Variants in RIPPLY3 observed in about 807,000 individuals in gnomAD.
The protein encoded by RIPPLY3 is ripply transcriptional repressor 3, also known as protein ripply3.
Under a neutral mutation model 11.9 loss-of-function variants are expected in RIPPLY3, and 8 were observed. The observed-to-expected ratio is 0.67, with a 90% CI of 0.40 to 1.21. The LOEUF is 1.21. RIPPLY3 is among the 50% of genes most tolerant of loss of function. RIPPLY3 has a pLI of 0.01. For synonymous variants in RIPPLY3, 102 were observed against 99.0 expected (o/e 1.03, Z -0.18); for missense variants, 271 against 246.0 (o/e 1.10, Z -0.68).
chr21:37,018,029 C>A lies in RIPPLY3; in HGVS notation c.395C>A (p.Pro132His), dbSNP rs138030974. 5 of 1,614,068 alleles carry A rather than the reference C, an allele frequency of 3.1e-6. No individual in the cohort carries two copies. The highest frequency in any genetic ancestry group is 4.2e-6 in the Non-Finnish European group (5 of 1,180,014). The change falls in exon 4 of 4, where the codon CCC becomes CAC. Residue 132 changes from proline to histidine, a missense_variant. Coordinates refer to ENST00000329553, the MANE Select transcript of RIPPLY3 (RefSeq NM_018962.3). Reference protein sequence around the residue: ...EAEEPEEGPPPLHLLPQEVGG... With the variant: ...EAEEPEEGPPHLHLLPQEVGG... ...GAAGAGCCAGAGGAAGGACCCCCACCCCTCCATCTTCTGCCCCAGGAGGTG... is the reference window on the plus strand; with the variant it reads ...GAAGAGCCAGAGGAAGGACCCCCACACCTCCATCTTCTGCCCCAGGAGGTG...
intron 3 of RIPPLY3, among the ~76,000 whole-genome samples, chr21:37,015,283 C>T (rs1447771377): frequency 6.6e-6 from 1 of 152,162 alleles, no homozygotes; most frequent in Non-Finnish European, 1.5e-5. Context: ...CCTGCCTCAG[C>T]CTCCCAAGTA....
chr21:37,008,222 C>T lies in RIPPLY3; in HGVS notation c.170C>T (p.Pro57Leu). 2 of 1,614,018 alleles carry T rather than the reference C, an allele frequency of 1.2e-6. No homozygotes were observed. The highest frequency in any genetic ancestry group is 2.2e-5 in the East Asian group (1 of 44,866). ...GDAELTRTGR[P>L]LEPRADQHTF... is the part of the protein sequence containing the mutation. The stretch of plus-strand genomic sequence containing the variant: ...GCTGAGCTGACCAGAACTGGAAGGC[C>T]GGTAAGGTTCAGTGCGGGCGTTGTA... The change falls in exon 2 of 4, where the codon CCG (proline) becomes CTG (leucine). Residue 57 changes from proline (P) to leucine (L), a missense_variant and splice_region_variant. Pro to Leu is a moderately conservative substitution (Grantham distance 98). Transcript: ENST00000329553.
At position 37,017,152 on chromosome 21, in the gene RIPPLY3, CAA is replaced by C. The variant is rs552999886; in HGVS notation, c.240-705_240-704del. Reference sequence around the variant, plus strand: ...TGGGTGAGAGAGTAAGACTCCCTTTCAAAAAAAAAAAAAAAAAAGATTACAGG... The same window carrying C: ...TGGGTGAGAGAGTAAGACTCCCTTTCAAAAAAAAAAAAAAAAGATTACAGG... On this transcript the variant is annotated intron_variant, in intron 3 of 3. Transcript: ENST00000329553. 5.2e-4 allele frequency among the ~76,000 whole-genome samples: 56 copies of C among 106,836 alleles called. 1 individual carries two copies. The highest frequency in any genetic ancestry group is 5.5e-4 in the Non-Finnish European group (29 of 53,050). 70.1% of individuals were successfully genotyped at this position (106,836 alleles called of 152,430 possible). A position where few individuals can be genotyped will look rare whatever the true frequency, so the allele number is the denominator to read the frequency against.
At chr21:37,012,231 T>TTAG (rs2069531856) in intron 2 of RIPPLY3, among the ~76,000 whole-genome samples, 1 of 147,710 alleles carries the variant, frequency 6.8e-6, no homozygotes, top group South Asian at 2.1e-4. Flanking sequence ...ATTATTATTA[T>TTAG]TATTATTATT....
chr21:37,011,929 CAAAAAAAAAAAAA>C (rs59382996), intron 2 of RIPPLY3, among the ~76,000 whole-genome samples: 20 of 47,104 alleles, frequency 4.2e-4, no homozygotes, highest in Middle Eastern at 0.019. Context: ...GACTCCGTCT[CAAAAAAAAAAAAA>C]AAAAAAAAAA....
chr21:37,013,196 A>G (rs1361912639), intron 2 of RIPPLY3, among the ~76,000 whole-genome samples: 4 of 152,174 alleles, frequency 2.6e-5, no homozygotes, highest in Non-Finnish European at 4.4e-5. Flanking sequence ...GAGGCCCTTC[A>G]TGAACCCGTT....
chr21:37,008,776 A>C (rs998187279), intron 2 of RIPPLY3, among the ~76,000 whole-genome samples: 1 of 151,824 alleles, frequency 6.6e-6, no homozygotes, highest in Non-Finnish European at 1.5e-5. Context: ...AAAAAAAAAA[A>C]AAAACCGTAG....
chr21:37,006,835 G>A lies in RIPPLY3; in HGVS notation c.63G>A (p.Gly21=). ...KARGRGCHCP[G]DAPWRPPPPR... The stretch of plus-strand genomic sequence containing the variant: ...GGGGGCGCGGCTGTCACTGCCCCGG[G>A]GACGCTCCCTGGAGGCCTCCGCCAC... Residue 21 remains glycine, a synonymous_variant, in exon 1 of 4, where the codon GGG becomes GGA. Transcript: ENST00000329553. The surrounding 1 kb of genome is among the most constrained non-coding windows in gnomAD (Gnocchi z 5.2). The A allele has an allele frequency of 3.3e-6, 4 of 1,226,960 alleles. No individual in the cohort carries two copies. The highest frequency in any genetic ancestry group is 1.0e-6 in the Non-Finnish European group (1 of 984,902). 76.0% of individuals were successfully genotyped at this position (1,226,960 alleles called of 1,614,324 possible). A position where few individuals can be genotyped will look rare whatever the true frequency, so the allele number is the denominator to read the frequency against.
rs1191546620 is a variant in RIPPLY3, at chr21:37,008,173, C to A, written c.121C>A (p.Pro41Thr). 10 of 1,614,166 alleles carry A rather than the reference C, an allele frequency of 6.2e-6. No individual in the cohort carries two copies. The highest frequency in any genetic ancestry group is 8.5e-6 in the Non-Finnish European group (10 of 1,180,006). ...CCGTTCCAGCCCCGCGCCGTGGCGA[C>A]CTTGGATCCAGACACCTGGAGATGC... ...RGPESPAPWR[P>T]WIQTPGDAEL... Residue 41 changes from proline to threonine, a missense_variant, in exon 2 of 4, where the codon CCT becomes ACT. Transcript: ENST00000329553.
intron 1 of RIPPLY3, among the ~76,000 whole-genome samples, chr21:37,007,286 G>T (rs180889951): frequency 1.6e-3 from 247 of 152,198 alleles, no homozygotes; most frequent in African/African-American, 5.6e-3. Flanking sequence ...CTGTCCCTGG[G>T]CACCAACCCT....
At chr21:37,006,636 C>T, upstream of RIPPLY3, 1 of 450,296 alleles carries the variant, frequency 2.2e-6, no homozygotes, top group Non-Finnish European at 3.5e-6. This position sits in a 1 kb window ranked among gnomAD's most constrained non-coding sequence, Gnocchi z 5.2. Flanking sequence ...GGTCCTGCCC[C>T]CTCCCAGCGC....
chr21:37,018,366 T>A lies in RIPPLY3; in HGVS notation c.*159T>A. On this transcript the variant is annotated 3_prime_UTR_variant, in exon 4 of 4. Transcript: ENST00000329553. ...ACACTACTCATGACAGAAAGTCAGC[T>A]TTTACTTTTCTTTCCCCTGGCAATT... The A allele has an allele frequency of 1.6e-6, 1 of 619,546 alleles. No individual in the cohort carries two copies. The highest frequency in any genetic ancestry group is 2.8e-6 in the Non-Finnish European group (1 of 355,618). The allele number at this position is 619,546 out of a possible 1,614,324, so 38.4% of individuals were successfully genotyped here. A position where few individuals can be genotyped will look rare whatever the true frequency, so the allele number is the denominator to read the frequency against.
rs2069601177 is a variant in RIPPLY3 at position 37,018,186 on chromosome 21, C to T, written c.552C>T (p.Gly184=). The T allele has an allele frequency of 6.2e-7, 1 of 1,613,342 alleles. No homozygotes were observed. Among genetic ancestry groups the T allele is most frequent in the Non-Finnish European group, 8.5e-7 (1 of 1,179,454 alleles). ...PLPQGVSSRG[G]KCSSSK ...CTCAAGGTGTCTCCTCAAGGGGTGG[C>T]AAGTGCTCCTCATCCAAATGAATCA... is the stretch of plus-strand genomic sequence containing the variant. The change falls in exon 4 of 4, where the codon GGC becomes GGT. Residue 184 remains glycine (G), a synonymous_variant. Transcript: ENST00000329553.
chr21:37,017,891 C>A lies in RIPPLY3; in HGVS notation c.257C>A (p.Ser86Ter). 1 of 1,612,498 alleles carries A rather than the reference C, an allele frequency of 6.2e-7. No homozygotes were observed. Among genetic ancestry groups the A allele is most frequent in the South Asian group, 1.1e-5 (1 of 90,814 alleles). The change falls in exon 4 of 4, where the codon TCA becomes TAA. Residue 86 changes from serine to a stop codon, truncating the protein, a stop_gained. Coordinates refer to ENST00000329553, the MANE Select transcript of RIPPLY3 (RefSeq NM_018962.3). LOFTEE classifies it low-confidence loss of function (END_TRUNC). Reference sequence around the variant, plus strand: ...AATATTAGAGTCTATTTACCCATGTCAAAGCGTCAAGAATACCTGCGGAGT... The same window carrying A: ...AATATTAGAGTCTATTTACCCATGTAAAAGCGTCAAGAATACCTGCGGAGT... ...QHPVRVYLPM[S>*]KRQEYLRSSG...
chr21:37,016,765 A>C (rs57861953), intron 3 of RIPPLY3, among the ~76,000 whole-genome samples: 9,072 of 152,248 alleles, frequency 0.06, 451 homozygotes, highest in African/African-American at 0.13. Flanking sequence ...CAGGATTTCA[A>C]GGCTGCAGTA....
At chr21:37,017,048 G>A (rs1207540563) in intron 3 of RIPPLY3, among the ~76,000 whole-genome samples, 1 of 150,816 alleles carries the variant, frequency 6.6e-6, no homozygotes, top group Non-Finnish European at 1.5e-5. Flanking sequence ...CAGCTATTTG[G>A]GAGGCTGAGA....
At position 37,014,042 on chromosome 21, in the gene RIPPLY3, A is replaced by G. The variant is rs141147014; in HGVS notation, c.239+424A>G. Among the ~76,000 whole-genome samples the G allele has an allele frequency of 1.9e-4, 29 of 152,238 alleles. No homozygotes were observed. In the East Asian group the frequency reaches 5.4e-3, roughly 28 times the overall value. ...CAAAATCTATGTGTTGAGGGTGGAC[A>G]TGGTGGCTCATGCCTGTAATCCCAG... On this transcript the variant is annotated intron_variant, in intron 3 of 3. Transcript: ENST00000329553.
rs1256134664 is a variant in RIPPLY3 at position 37,019,581 on chromosome 21, GACTT to G, written c.*1380_*1383del. ...TAAACGTGTATTCCTGAAACTTTTT[GACTT>G]ACTTATCTTACATGTGGTGTCTTCC... is the stretch of plus-strand genomic sequence containing the variant. On this transcript the variant is annotated 3_prime_UTR_variant, in exon 4 of 4. Coordinates refer to ENST00000329553, the MANE Select transcript of RIPPLY3 (RefSeq NM_018962.3). 1 of 151,830 alleles carries G rather than the reference GACTT, an allele frequency of 6.6e-6. No individual in the cohort carries two copies. The allele number at this position is 151,830 out of a possible 1,614,324, so 9.4% of individuals were successfully genotyped here.
In RIPPLY3 at chr21:37,018,031, C is replaced by T; in HGVS notation, c.397C>T (p.Leu133Phe). Reference sequence around the variant, plus strand: ...AGAGCCAGAGGAAGGACCCCCACCCCTCCATCTTCTGCCCCAGGAGGTGGG... The same window carrying T: ...AGAGCCAGAGGAAGGACCCCCACCCTTCCATCTTCTGCCCCAGGAGGTGGG... ...AEEPEEGPPP[L>F]HLLPQEVGGR... Residue 133 changes from leucine (L) to phenylalanine (F), a missense_variant, in exon 4 of 4, where the codon CTC (leucine) becomes TTC (phenylalanine). Leu to Phe is a conservative substitution (Grantham distance 22). Transcript: ENST00000329553. 1.2e-6 allele frequency: 2 copies of T among 1,614,118 alleles called. No individual in the cohort carries two copies. The highest frequency in any genetic ancestry group is 1.3e-5 in the African/African-American group (1 of 75,032).
Sources: gnomAD v4.1 joint callset for allele counts (sites outside exome capture counted in the v4.1 genomes callset) on GRCh38, gnomAD v4.1.1 for gene constraint, Gnocchi (gnomAD v3.1) non-coding constraint, MANE v1.5 for transcripts, NCBI Gene and HGNC (gene_info 2026-07-23, HGNC 2026-07-21) for gene names.